CNTNAP2: variants seen among roughly 807,000 people sequenced by gnomAD.
The protein encoded by CNTNAP2 is contactin-associated protein-like 2.
A neutral mutation model predicts 155.2 loss-of-function variants in CNTNAP2; 98 were observed. The observed-to-expected ratio is 0.63, with a 90% CI of 0.54 to 0.75. CNTNAP2 has a LOEUF of 0.75. Ranked by LOEUF, CNTNAP2 falls within the 30% of genes least tolerant of loss-of-function variation. The pLI, the probability that CNTNAP2 is intolerant of heterozygous loss-of-function variation, is 0.00. For missense variants in CNTNAP2, 1,727 were observed against 1,688.1 expected (o/e 1.02, Z -0.40); for synonymous variants, 651 against 631.2 (o/e 1.03, Z -0.47).
At chr7:146,752,170 T>G (rs967704065) in intron 1 of CNTNAP2, among the ~76,000 whole-genome samples, 2 of 152,140 alleles carry the variant, frequency 1.3e-5, no homozygotes, top group African/African-American at 4.8e-5. Context: ...CAAATGGTAT[T>G]TCTGATTCTA....
chr7:147,601,469 C>T (rs1033013594), intron 12 of CNTNAP2, among the ~76,000 whole-genome samples: 6 of 151,858 alleles, frequency 4.0e-5, no homozygotes, highest in Non-Finnish European at 7.4e-5. Context: ...AAGGTAATGT[C>T]ATCAGTTAAG....
intron 12 of CNTNAP2, among the ~76,000 whole-genome samples, chr7:147,622,871 G>T (rs765204414): frequency 1.3e-4 from 20 of 151,878 alleles, no homozygotes; most frequent in Non-Finnish European, 1.8e-4. Flanking sequence ...CAGTTGACAA[G>T]CCTTTAGCCA....
chr7:147,073,788 A>G (rs967338637), intron 4 of CNTNAP2, among the ~76,000 whole-genome samples: 2 of 152,154 alleles, frequency 1.3e-5, no homozygotes, highest in African/African-American at 4.8e-5. Context: ...CCAGGAAATT[A>G]GTAAAATTGA....
chr7:147,269,328 C>T (rs1010936642), intron 8 of CNTNAP2, among the ~76,000 whole-genome samples: 2 of 152,102 alleles, frequency 1.3e-5, no homozygotes, highest in African/African-American at 4.8e-5. Flanking sequence ...AAGATTCTCT[C>T]AAGCTATTTC....
intron 4 of CNTNAP2, among the ~76,000 whole-genome samples, chr7:147,074,929 C>A (rs1799966971): frequency 6.6e-6 from 1 of 151,940 alleles, no homozygotes; most frequent in Non-Finnish European, 1.5e-5. Flanking sequence ...TTTAATTAGA[C>A]AATACATTTA....
chr7:148,349,172 G>A (rs1256617494), intron 21 of CNTNAP2, among the ~76,000 whole-genome samples: 4 of 151,958 alleles, frequency 2.6e-5, no homozygotes, highest in Non-Finnish European at 4.4e-5. Context: ...TGTTAAATAC[G>A]ATGAAAAAAA....
chr7:147,609,418 C>T (rs1169028929), intron 12 of CNTNAP2, among the ~76,000 whole-genome samples: 1 of 152,084 alleles, frequency 6.6e-6, no homozygotes. Flanking sequence ...GTAGTCCCAG[C>T]TACTCAGGAG....
chr7:147,162,109 G>A (rs1209730070), intron 8 of CNTNAP2: 1 of 152,022 alleles, frequency 6.6e-6, no homozygotes, highest in Admixed American at 6.6e-5. Flanking sequence ...CTCACTTTTT[G>A]CACACTCACA....
chr7:146,780,356 T>G (rs1802463998), intron 2 of CNTNAP2, among the ~76,000 whole-genome samples: 1 of 151,962 alleles, frequency 6.6e-6, no homozygotes. Context: ...TGGCTAATTT[T>G]TTTTTTGTAT....
chr7:146,729,001 G>A (rs1465159071), intron 1 of CNTNAP2, among the ~76,000 whole-genome samples: 1 of 152,210 alleles, frequency 6.6e-6, no homozygotes, highest in Non-Finnish European at 1.5e-5. Context: ...TTGACCACAA[G>A]TGTTGAATAC....
intron 13 of CNTNAP2, among the ~76,000 whole-genome samples, chr7:147,891,180 A>C (rs1180134077): frequency 6.6e-6 from 1 of 151,684 alleles, no homozygotes; most frequent in Non-Finnish European, 1.5e-5. Context: ...AAAATCAACC[A>C]TACAGTAGGT....
At chr7:146,410,863 G>T (rs802204) in intron 1 of CNTNAP2, among the ~76,000 whole-genome samples, 5,096 of 152,246 alleles carry the variant, frequency 0.033, 308 homozygotes, top group African/African-American at 0.12. Context: ...AGATAGTGTG[G>T]TGTTTGTCTT....
chr7:147,656,299 C>G (rs1253541073), intron 13 of CNTNAP2, among the ~76,000 whole-genome samples: 1 of 152,210 alleles, frequency 6.6e-6, no homozygotes, highest in East Asian at 1.9e-4. Flanking sequence ...AGAATCTTTT[C>G]TTTGCATTCA....
intron 1 of CNTNAP2, among the ~76,000 whole-genome samples, chr7:146,140,567 T>A (rs1797862707): frequency 6.6e-6 from 1 of 152,184 alleles, no homozygotes; most frequent in African/African-American, 2.4e-5. Flanking sequence ...ACTTCAAGTG[T>A]TCGGCTTGAG....
Position 147,123,006 on chromosome 7 carries a change from C to T in CNTNAP2, c.939+1843C>T, listed in dbSNP as rs537951711. 1.8e-4 allele frequency: 28 copies of T among 151,716 alleles called. 1 individual carries two copies. Among genetic ancestry groups the T allele is most frequent in the African/African-American group, 4.8e-4 (20 of 41,346 alleles). The allele number at this position is 151,716 out of a possible 1,614,324, so 9.4% of individuals were successfully genotyped here. Reference sequence around the variant, plus strand: ...TCTAGTTTTTTGCAATATGAATATACGATATATATTCTTAAATAAAAAATT... The same window carrying T: ...TCTAGTTTTTTGCAATATGAATATATGATATATATTCTTAAATAAAAAATT... On this transcript the variant is annotated intron_variant, in intron 6 of 23. Transcript: ENST00000361727.
intron 3 of CNTNAP2, among the ~76,000 whole-genome samples, chr7:146,950,145 G>A (rs1468359735): frequency 2.0e-5 from 3 of 151,922 alleles, no homozygotes; most frequent in Non-Finnish European, 4.4e-5. Context: ...ATGAAAACAT[G>A]TGCATCTAAC....
intron 1 of CNTNAP2, among the ~76,000 whole-genome samples, chr7:146,335,920 C>T (rs1181313104): frequency 2.0e-5 from 3 of 151,890 alleles, no homozygotes; most frequent in Admixed American, 1.3e-4. Flanking sequence ...AAATATTGGC[C>T]AGGGCGCGGT....
chr7:148,147,766 A>G (rs1012240338), intron 17 of CNTNAP2, 57 bp downstream of exon 17: 18 of 1,471,736 alleles, frequency 1.2e-5, no homozygotes, highest in African/African-American at 1.2e-4. Context: ...GAGCCTGCAC[A>G]ATACAAAAAA....
intron 9 of CNTNAP2, among the ~76,000 whole-genome samples, chr7:147,382,351 G>A (rs1449881364): frequency 2.6e-5 from 4 of 152,132 alleles, no homozygotes; most frequent in Non-Finnish European, 4.4e-5. Context: ...AGGTGGGAAC[G>A]AAGAGAAAGA....
Sources: allele counts gnomAD v4.1 joint callset (sites outside exome capture counted in the v4.1 genomes callset), GRCh38; gene constraint gnomAD v4.1.1; transcripts MANE v1.5; gene names NCBI Gene and HGNC (gene_info 2026-07-23, HGNC 2026-07-21).